SPTBN5: variants seen among roughly 807,000 people sequenced by gnomAD.
SPTBN5 encodes the protein spectrin beta, non-erythrocytic 5.
Under a neutral mutation model 477.6 loss-of-function variants are expected in SPTBN5, and 513 were observed. That is an observed-to-expected ratio of 1.07 (90% confidence interval 1.00 to 1.16). The LOEUF is 1.16. Ranked by LOEUF, SPTBN5 falls within the 50% of genes most tolerant of loss-of-function variation. The pLI is 0.00. For synonymous variants in SPTBN5, 2,169 were observed against 2,011.7 expected (o/e 1.08, Z -2.09); for missense variants, 5,062 against 4,731.8 (o/e 1.07, Z -2.05).
Position 41,851,146 on chromosome 15 carries a change from ACTTT to A in SPTBN5, c.10744_10747del (p.Lys3582Ter). The A allele has an allele frequency of 6.2e-7, 1 of 1,612,904 alleles. No homozygotes were observed. Among genetic ancestry groups the A allele is most frequent in the East Asian group, 2.2e-5 (1 of 44,870 alleles). On this transcript the variant is annotated frameshift_variant and splice_region_variant, in exon 65 of 68. Transcript: ENST00000320955. LOFTEE classifies it high-confidence loss of function. Reference sequence around the variant, plus strand: ...GAGGTCAAGGAGGGCTATGGAAGCTACTTTCTGAGGAGAGATGAGAGGCAGGGGT... The same window carrying A: ...GAGGTCAAGGAGGGCTATGGAAGCTACTGAGGAGAGATGAGAGGCAGGGGT...
chr15:41,867,010 G>A lies in SPTBN5; in HGVS notation c.6429C>T (p.His2143=), dbSNP rs1245856818. ...RVKELAESRG[H]ALHASLLMAS... is the part of the protein sequence containing the mutation. ...CCATCAGCAGGGAGGCATGCAGGGC[G>A]TGTCCCCGGCTCTCCGCCAGCTCCT... The change falls in exon 36 of 68, where the codon CAC becomes CAT. Residue 2143 remains histidine, a synonymous_variant. Transcript: ENST00000320955. The A allele has an allele frequency of 4.5e-6, 7 of 1,562,468 alleles. No homozygotes were observed. The highest frequency in any genetic ancestry group is 6.1e-6 in the Non-Finnish European group (7 of 1,154,006).
chr15:41,861,968 C>A lies in SPTBN5; in HGVS notation c.7549-45G>T, dbSNP rs115998161. On this transcript the variant is annotated intron_variant, in intron 44 of 67. Transcript: ENST00000320955. The stretch of plus-strand genomic sequence containing the variant: ...AGATCACTGGGGGCTGGAAGCAGCC[C>A]AGCAGGCAGGAGAGAGGTGGGGAAG... The A allele has an allele frequency of 2.2e-3, 3,512 of 1,569,848 alleles. 49 individuals are homozygous for A. The African/African-American group carries it at 0.038, about 17-fold the overall frequency.
rs915969322 is a variant in SPTBN5 at position 41,848,359 on chromosome 15, C to T, written c.*257G>A. 8 of 575,536 alleles carry T rather than the reference C, an allele frequency of 1.4e-5. No individual in the cohort carries two copies. Among genetic ancestry groups the T allele is most frequent in the African/African-American group, 1.3e-4 (7 of 53,298 alleles). The allele number at this position is 575,536 out of a possible 1,614,324, so 35.7% of individuals were successfully genotyped here. ...TGGGCCTGGGGTAGCCCTGGCCTTGCCCACCTGCTCTGCCGTAACACGTCT... is the reference window on the plus strand; with the variant it reads ...TGGGCCTGGGGTAGCCCTGGCCTTGTCCACCTGCTCTGCCGTAACACGTCT... On this transcript the variant is annotated 3_prime_UTR_variant, in exon 68 of 68. Transcript: ENST00000320955.
At chr15:41,871,711 G>T (rs975357303) in intron 28 of SPTBN5, 71 bp downstream of exon 28, 3 of 1,436,734 alleles carry the variant, frequency 2.1e-6, no homozygotes, top group Non-Finnish European at 1.8e-6. Context: ...CCTCCGCCCC[G>T]CCAGAGCCAG....
At position 41,850,922 on chromosome 15, in the gene SPTBN5, T is replaced by G. The variant is rs1225548236; in HGVS notation, c.10853A>C (p.Glu3618Ala). 2 of 1,597,132 alleles carry G rather than the reference T, an allele frequency of 1.3e-6. No individual in the cohort carries two copies. The highest frequency in any genetic ancestry group is 2.3e-5 in the East Asian group (1 of 44,316). ...TTCGGACGGTGCTGCAAACAGGATC[T>G]CTGCCCCACTGGTCAGCCTGGCACC... is the stretch of plus-strand genomic sequence containing the variant. Reference protein sequence around the residue: ...TFSLRLTSGAEILFAAPSEEQ... With the variant: ...TFSLRLTSGAAILFAAPSEEQ... The change falls in exon 66 of 68, where the codon GAG (glutamate) becomes GCG (alanine). Residue 3618 changes from glutamate to alanine, a missense_variant. Transcript: ENST00000320955.
At chr15:41,854,720 C>T (rs2065880588) in intron 56 of SPTBN5, 62 bp downstream of exon 56, 2 of 1,404,568 alleles carry the variant, frequency 1.4e-6, no homozygotes, top group African/African-American at 1.5e-5. Context: ...GTAAGGAGGG[C>T]TTAGAGGGAT....
In SPTBN5 at chr15:41,887,274, A is replaced by T; in HGVS notation, c.827T>A (p.Leu276His). The T allele has an allele frequency of 6.4e-7, 1 of 1,551,268 alleles. No individual in the cohort carries two copies. Among genetic ancestry groups the T allele is most frequent in the Non-Finnish European group, 8.7e-7 (1 of 1,146,994 alleles). Reference protein sequence around the residue: ...DERSIMTYVSLYYHYCSRLHQ... With the variant: ...DERSIMTYVSHYYHYCSRLHQ... ...CAGGCGGGAGCAGTAGTGGTAGTAG[A>T]GGGAGACGTAGGTCATGATAGAGCG... The change falls in exon 6 of 68, where the codon CTC becomes CAC. Residue 276 changes from leucine to histidine, a missense_variant. By Grantham distance (99) the Leu-to-His change is moderately conservative. Coordinates refer to ENST00000320955, the MANE Select transcript of SPTBN5 (RefSeq NM_016642.4).
intron 32 of SPTBN5, 37 bp downstream of exon 32, chr15:41,869,804 T>A: frequency 2.0e-6 from 3 of 1,514,158 alleles, no homozygotes; most frequent in East Asian, 2.4e-5. Context: ...CACACACACA[T>A]GCACACACAC....
At position 41,879,994 on chromosome 15, in the gene SPTBN5, GC is replaced by G. The variant is rs1037279098; in HGVS notation, c.2812-131del. 27 of 1,439,028 alleles carry G rather than the reference GC, an allele frequency of 1.9e-5. No individual in the cohort carries two copies. The African/African-American group carries it at 3.6e-4, about 19-fold the overall frequency. 89.1% of individuals were successfully genotyped at this position (1,439,028 alleles called of 1,614,324 possible). A position where few individuals can be genotyped will look rare whatever the true frequency, so the allele number is the denominator to read the frequency against. On this transcript the variant is annotated intron_variant, in intron 14 of 67. Coordinates refer to ENST00000320955, the MANE Select transcript of SPTBN5 (RefSeq NM_016642.4). ...CATGCTGCCTGCCCCTGGAAAGACA[GC>G]CATCCGAGTCCTTAAGGGCCAGGAG...
chr15:41,869,786 T>C, intron 32 of SPTBN5, 55 bp downstream of exon 32: 1 of 1,429,278 alleles, frequency 7.0e-7, no homozygotes, highest in East Asian at 2.8e-5. Flanking sequence ...TGCCCATGCA[T>C]GGTGCAGCAC....
At chr15:41,853,914 G>A (rs1247719315) in intron 57 of SPTBN5, 127 bp from the exon 58 acceptor site, 1 of 1,424,670 alleles carries the variant, frequency 7.0e-7, no homozygotes, top group Non-Finnish European at 9.3e-7. Context: ...CCAAGTCCTA[G>A]GGCCCCTCGG....
In SPTBN5 at chr15:41,858,764, G is replaced by C; in HGVS notation, c.8080-16C>G. The C allele has an allele frequency of 6.2e-7, 1 of 1,606,168 alleles. No homozygotes were observed. Among genetic ancestry groups the C allele is most frequent in the Non-Finnish European group, 8.5e-7 (1 of 1,176,790 alleles). On this transcript the variant is annotated splice_polypyrimidine_tract_variant and intron_variant, in intron 48 of 67. Transcript: ENST00000320955. ...ACGCAGCCACCTGGGCACATGGGGA[G>C]GACAGGCCTGCTGTCCAGGGCTTTC... is the stretch of plus-strand genomic sequence containing the variant.
At chr15:41,855,136 G>T in intron 55 of SPTBN5, 88 bp downstream of exon 55, 1 of 1,483,116 alleles carries the variant, frequency 6.7e-7, no homozygotes. Context: ...GCTCCTTTCT[G>T]CTGACTCCCC....
chr15:41,881,966 C>A lies in SPTBN5; in HGVS notation c.2427G>T (p.Arg809=). ...AELRRLEEQG[R]AASARASLFT... ...ATAACGACGCCCGGGCCGAGGCCGC[C>A]CGCCCCTGCTCCTCCAGCCGCCGCA... is the stretch of plus-strand genomic sequence containing the variant. Residue 809 remains arginine (R), a synonymous_variant, in exon 12 of 68, where the codon CGG becomes CGT. Transcript: ENST00000320955. 1 of 1,539,068 alleles carries A rather than the reference C, an allele frequency of 6.5e-7. No individual in the cohort carries two copies. The highest frequency in any genetic ancestry group is 1.2e-5 in the South Asian group (1 of 84,558).
At chr15:41,863,372 C>T (rs997836929) in intron 41 of SPTBN5, among the ~76,000 whole-genome samples, 4 of 152,196 alleles carry the variant, frequency 2.6e-5, no homozygotes, top group African/African-American at 7.2e-5. Flanking sequence ...GCAAACCTCC[C>T]GAGGGTTTGG....
Position 41,852,620 on chromosome 15 carries a change from G to T in SPTBN5, c.10449+14C>A. ...CCCCACCAGCCCTCAGCCCCTAGCC[G>T]AGGCAGTCGTCACCTCTGTCTTTTG... On this transcript the variant is annotated intron_variant, in intron 61 of 67. Transcript: ENST00000320955. 1 of 1,612,516 alleles carries T rather than the reference G, an allele frequency of 6.2e-7. No individual in the cohort carries two copies. Among genetic ancestry groups the T allele is most frequent in the Non-Finnish European group, 8.5e-7 (1 of 1,179,110 alleles).
chr15:41,886,247 G>C lies in SPTBN5; in HGVS notation c.1008C>G (p.Asp336Glu), dbSNP rs780842758. 1 of 1,613,180 alleles carries C rather than the reference G, an allele frequency of 6.2e-7. No homozygotes were observed. The highest frequency in any genetic ancestry group is 8.5e-7 in the Non-Finnish European group (1 of 1,179,898). ...QMQLEARDFP[D>E]SLPAMRQLLA... Reference sequence around the variant, plus strand: ...GTAGCTGCCGCATGGCGGGCAGCGAGTCTGGAAAATCCCGCGCCTCCAGCT... The same window carrying C: ...GTAGCTGCCGCATGGCGGGCAGCGACTCTGGAAAATCCCGCGCCTCCAGCT... Residue 336 changes from aspartate (D) to glutamate (E), a missense_variant, in exon 7 of 68, where the codon GAC becomes GAG. Asp to Glu is a conservative substitution (Grantham distance 45). Coordinates refer to ENST00000320955, the MANE Select transcript of SPTBN5 (RefSeq NM_016642.4).
intron 58 of SPTBN5, 36 bp from the exon 59 acceptor site, chr15:41,853,483 G>T: frequency 6.5e-7 from 1 of 1,545,396 alleles, no homozygotes. Context: ...GTCAGGGCTG[G>T]CTGGGGAGCA....
intron 17 of SPTBN5, among the ~76,000 whole-genome samples, chr15:41,878,029 G>C (rs973540891): frequency 1.3e-5 from 2 of 152,150 alleles, no homozygotes; most frequent in African/African-American, 2.4e-5. Flanking sequence ...GGCAGGGGGG[G>C]CTAGACGCCC....
Sources: gnomAD v4.1 joint callset for allele counts (sites outside exome capture counted in the v4.1 genomes callset) on GRCh38, gnomAD v4.1.1 for gene constraint, MANE v1.5 for transcripts, NCBI Gene and HGNC (gene_info 2026-07-23, HGNC 2026-07-21) for gene names.